The following GRIN2D variants were observed in gnomAD, a reference collection of about 807,000 sequenced individuals.
GRIN2D encodes glutamate ionotropic receptor NMDA type subunit 2D.
A neutral mutation model predicts 103.2 loss-of-function variants in GRIN2D; 37 were observed. That is an observed-to-expected ratio of 0.36 (90% confidence interval 0.28 to 0.47). The LOEUF (loss-of-function observed/expected upper bound fraction) is 0.47, where lower values mean the gene tolerates loss of function less well. Among genes scored for constraint, GRIN2D ranks in the 20% least tolerant of loss-of-function variants. The pLI is 1.00. For synonymous variants in GRIN2D, 845 were observed against 885.6 expected, an observed-to-expected ratio of 0.95 and a Z score of 0.81; for missense variants, 1,557 against 1,910.6, an observed-to-expected ratio of 0.81 and a Z score of 3.45.
chr19:48,435,549 A>G (rs1348455263), intron 11 of GRIN2D, among the ~76,000 whole-genome samples: 1 of 152,092 alleles, frequency 6.6e-6, no homozygotes, highest in African/African-American at 2.4e-5. Context: ...GGTTCAAGCA[A>G]TTCTCCTGCC....
At position 48,414,649 on chromosome 19, in the gene GRIN2D, G is replaced by A. The variant is rs150044973; in HGVS notation, c.1412+65G>A. 4.1e-6 allele frequency: 6 copies of A among 1,457,388 alleles called. No individual in the cohort carries two copies. Among genetic ancestry groups the A allele is most frequent in the Non-Finnish European group, 5.6e-6 (6 of 1,067,316 alleles). 90.3% of individuals were successfully genotyped at this position (1,457,388 alleles called of 1,614,324 possible). ...GCCTCCCGTGAAGCCCAGTAGTCTG[G>A]GCCCCCAGCCCCCTCCTCCCTTGGG... On this transcript the variant is annotated intron_variant, in intron 6 of 13. Coordinates refer to ENST00000263269, the MANE Select transcript of GRIN2D (RefSeq NM_000836.4). The surrounding 1 kb of genome is among the most constrained non-coding windows in gnomAD (Gnocchi z 4.6).
At chr19:48,428,455 G>A (rs1327139527) in intron 11 of GRIN2D, among the ~76,000 whole-genome samples, 2 of 151,352 alleles carry the variant, frequency 1.3e-5, no homozygotes, top group Non-Finnish European at 2.9e-5. Flanking sequence ...CCACCTCCCG[G>A]GTTCCAGTGA....
Position 48,442,527 on chromosome 19 carries a change from G to A in GRIN2D, c.2674-73G>A. 1.4e-6 allele frequency: 2 copies of A among 1,480,932 alleles called. No homozygotes were observed. Among genetic ancestry groups the A allele is most frequent in the Non-Finnish European group, 1.8e-6 (2 of 1,119,216 alleles). The allele number at this position is 1,480,932 out of a possible 1,614,324, so 91.7% of individuals were successfully genotyped here. ...CACAGGCGGGTAAATGGAGAGGAGA[G>A]AGGGACTGAGGGGAGGCGGGCAGGC... On this transcript the variant is annotated intron_variant, in intron 13 of 13. Coordinates refer to ENST00000263269, the MANE Select transcript of GRIN2D (RefSeq NM_000836.4). The surrounding 1 kb of genome is among the most constrained non-coding windows in gnomAD (Gnocchi z 7.2).
At position 48,416,116 on chromosome 19, in the gene GRIN2D, G is replaced by A. The variant is rs1266522293; in HGVS notation, c.1696G>A (p.Ala566Thr). The A allele has an allele frequency of 1.9e-6, 3 of 1,614,016 alleles. No homozygotes were observed. Among genetic ancestry groups the A allele is most frequent in the South Asian group, 1.1e-5 (1 of 91,078 alleles). The change falls in exon 8 of 14, where the codon GCG becomes ACG. Residue 566 changes from alanine to threonine, a missense_variant. Coordinates refer to ENST00000263269, the MANE Select transcript of GRIN2D (RefSeq NM_000836.4). ...FVETGISVMV[A>T]RSNGTVSPSA... ...GGAGACCGGCATCAGCGTCATGGTG[G>A]CGCGCAGCAATGGCACGGTGTCCCC...
At position 48,393,759 on chromosome 19, in the gene GRIN2D, T is replaced by TCGCCCGCAGC. The variant is rs1970593281; in HGVS notation, c.-413_-404dup. Among the ~76,000 whole-genome samples, 1 of 151,998 alleles carries TCGCCCGCAGC rather than the reference T, an allele frequency of 6.6e-6. No homozygotes were observed. Among genetic ancestry groups the TCGCCCGCAGC allele is most frequent in the Admixed American group, 6.6e-5 (1 of 15,264 alleles). ...CAAGCCGCGGCCGCCGCCGCCACCC[T>TCGCCCGCAGC]CGCCCGCAGCCTCCCGCAGCCTCCC... On this transcript the variant is annotated 5_prime_UTR_variant, in exon 1 of 14. Transcript: ENST00000263269. The surrounding 1 kb of genome is among the most constrained non-coding windows in gnomAD (Gnocchi z 5.6).
chr19:48,416,745 C>CTCTT (rs369470722), intron 8 of GRIN2D, among the ~76,000 whole-genome samples: 14 of 141,196 alleles, frequency 9.9e-5, no homozygotes, highest in Admixed American at 2.9e-4. Context: ...CTCTCTCTCT[C>CTCTT]TTTTTTTTTT....
chr19:48,416,123 G>A lies in GRIN2D; in HGVS notation c.1703G>A (p.Ser568Asn), dbSNP rs1159393327. 1.9e-6 allele frequency: 3 copies of A among 1,613,872 alleles called. No individual in the cohort carries two copies. Among genetic ancestry groups the A allele is most frequent in the African/African-American group, 2.7e-5 (2 of 74,910 alleles). ...GGCATCAGCGTCATGGTGGCGCGCAGCAATGGCACGGTGTCCCCCTCGGCC... is the reference window on the plus strand; with the variant it reads ...GGCATCAGCGTCATGGTGGCGCGCAACAATGGCACGGTGTCCCCCTCGGCC... Reference protein sequence around the residue: ...ETGISVMVARSNGTVSPSAFL... With the variant: ...ETGISVMVARNNGTVSPSAFL... The change falls in exon 8 of 14, where the codon AGC (serine) becomes AAC (asparagine). Residue 568 changes from serine (S) to asparagine (N), a missense_variant. Physicochemically the swap from Ser to Asn is conservative, Grantham distance 46. Coordinates refer to ENST00000263269, the MANE Select transcript of GRIN2D (RefSeq NM_000836.4).
In GRIN2D at chr19:48,415,999, C is replaced by T; in HGVS notation, c.1582-3C>T. On this transcript the variant is annotated splice_polypyrimidine_tract_variant and splice_region_variant and intron_variant, in intron 7 of 13. Coordinates refer to ENST00000263269, the MANE Select transcript of GRIN2D (RefSeq NM_000836.4). The stretch of plus-strand genomic sequence containing the variant: ...CGCCCACTCCTCATCGCCCCCACCC[C>T]AGGTGTTCTACCAGCGCGCAGACAT... 3 of 1,613,108 alleles carry T rather than the reference C, an allele frequency of 1.9e-6. No homozygotes were observed. The highest frequency in any genetic ancestry group is 1.7e-6 in the Non-Finnish European group (2 of 1,179,616).
In GRIN2D at chr19:48,443,889, C is replaced by T; in HGVS notation, c.3963C>T (p.Gly1321=). The stretch of plus-strand genomic sequence containing the variant: ...GGAGACACCGGGGCGGGGACCTGGG[C>T]ACCCGCAGGGGCTCGGCGCACTTCT... ...SHRRHRGGDL[G]TRRGSAHFSS... The change falls in exon 14 of 14, where the codon GGC becomes GGT. Residue 1321 remains glycine (G), a synonymous_variant. Transcript: ENST00000263269. This position sits in a 1 kb window ranked among gnomAD's most constrained non-coding sequence, Gnocchi z 8.9. 1.4e-6 allele frequency: 2 copies of T among 1,466,744 alleles called. No homozygotes were observed. The highest frequency in any genetic ancestry group is 9.0e-7 in the Non-Finnish European group (1 of 1,115,424). The allele number at this position is 1,466,744 out of a possible 1,614,324, so 90.9% of individuals were successfully genotyped here. A position where few individuals can be genotyped will look rare whatever the true frequency, so the allele number is the denominator to read the frequency against.
chr19:48,414,166 A>T lies in GRIN2D; in HGVS notation c.1200+61A>T. On this transcript the variant is annotated intron_variant, in intron 5 of 13. Coordinates refer to ENST00000263269, the MANE Select transcript of GRIN2D (RefSeq NM_000836.4). This position sits in a 1 kb window ranked among gnomAD's most constrained non-coding sequence, Gnocchi z 4.6. ...GGTGTGGACTCCTGCATCCTGGCAGAGGGGGGGCTTGAGGTCGTGGACTAA... is the reference window on the plus strand; with the variant it reads ...GGTGTGGACTCCTGCATCCTGGCAGTGGGGGGGCTTGAGGTCGTGGACTAA... 1 of 1,089,278 alleles carries T rather than the reference A, an allele frequency of 9.2e-7. No homozygotes were observed. The allele number at this position is 1,089,278 out of a possible 1,614,324, so 67.5% of individuals were successfully genotyped here. A position where few individuals can be genotyped will look rare whatever the true frequency, so the allele number is the denominator to read the frequency against.
Position 48,443,468 on chromosome 19 carries a change from G to C in GRIN2D, c.3542G>C (p.Arg1181Pro), listed in dbSNP as rs1316071837. ...PRSGPAAWHC[R>P]HCASLELLPP... ...AGCGGTCCGGCCGCCTGGCACTGTC[G>C]GCACTGCGCCAGCCTGGAGCTGCTG... is the stretch of plus-strand genomic sequence containing the variant. Residue 1181 changes from arginine (R) to proline (P), a missense_variant, in exon 14 of 14, where the codon CGG (arginine) becomes CCG (proline). By Grantham distance (103) the Arg-to-Pro change is moderately radical. Transcript: ENST00000263269. The surrounding 1 kb of genome is among the most constrained non-coding windows in gnomAD (Gnocchi z 8.9). The C allele has an allele frequency of 5.8e-6, 8 of 1,382,196 alleles. No homozygotes were observed. The highest frequency in any genetic ancestry group is 3.0e-5 in the African/African-American group (2 of 65,662). The allele number at this position is 1,382,196 out of a possible 1,614,324, so 85.6% of individuals were successfully genotyped here.
chr19:48,409,452 A>G (rs1970829422), intron 4 of GRIN2D, among the ~76,000 whole-genome samples: 1 of 151,288 alleles, frequency 6.6e-6, no homozygotes, highest in South Asian at 2.1e-4. Flanking sequence ...TAATTTTTGT[A>G]TTTTTGTAGA....
At chr19:48,441,538 C>T (rs924838616) in intron 11 of GRIN2D, among the ~76,000 whole-genome samples, 1 of 152,186 alleles carries the variant, frequency 6.6e-6, no homozygotes, top group Admixed American at 6.5e-5. Context: ...CATAGCAAGA[C>T]CCTGTCTCTT....
At chr19:48,401,690 G>T (rs1759421703) in intron 3 of GRIN2D, among the ~76,000 whole-genome samples, 1 of 152,252 alleles carries the variant, frequency 6.6e-6, no homozygotes, top group Non-Finnish European at 1.5e-5. Context: ...CTTTGGCTTT[G>T]ATTCTGAGGT....
intron 10 of GRIN2D, 109 bp downstream of exon 10, chr19:48,419,923 G>T (rs1970999259): frequency 8.7e-6 from 2 of 228,854 alleles, no homozygotes; most frequent in Admixed American, 1.1e-4. Flanking sequence ...GGGTGAGAGG[G>T]GTGGGGGGAG....
At position 48,443,496 on chromosome 19, in the gene GRIN2D, G is replaced by T; in HGVS notation, c.3570G>T (p.Pro1190=). 1 of 1,358,062 alleles carries T rather than the reference G, an allele frequency of 7.4e-7. No homozygotes were observed. The highest frequency in any genetic ancestry group is 9.5e-7 in the Non-Finnish European group (1 of 1,055,782). The allele number at this position is 1,358,062 out of a possible 1,614,324, so 84.1% of individuals were successfully genotyped here. A position where few individuals can be genotyped will look rare whatever the true frequency, so the allele number is the denominator to read the frequency against. ...ACTGCGCCAGCCTGGAGCTGCTGCC[G>T]CCGCCGCGCCATCTCAGCTGCTCGC... is the stretch of plus-strand genomic sequence containing the variant. ...CRHCASLELL[P]PPRHLSCSHD... is the part of the protein sequence containing the mutation. The change falls in exon 14 of 14, where the codon CCG becomes CCT. Residue 1190 remains proline, a synonymous_variant. Coordinates refer to ENST00000263269, the MANE Select transcript of GRIN2D (RefSeq NM_000836.4). This position sits in a 1 kb window ranked among gnomAD's most constrained non-coding sequence, Gnocchi z 8.9.
rs1970786491 is a variant in GRIN2D at position 48,405,881 on chromosome 19, G to A, written c.1085+528G>A. On this transcript the variant is annotated intron_variant, in intron 4 of 13. Transcript: ENST00000263269. This position sits in a 1 kb window ranked among gnomAD's most constrained non-coding sequence, Gnocchi z 5.1. The stretch of plus-strand genomic sequence containing the variant: ...CAGGATTCTCCCACACTGTTACTCT[G>A]GCATCTCTGCATGGTCGAAGTGGGT... Among the ~76,000 whole-genome samples, 1 of 152,122 alleles carries A rather than the reference G, an allele frequency of 6.6e-6. No homozygotes were observed. Among genetic ancestry groups the A allele is most frequent in the South Asian group, 2.1e-4 (1 of 4,822 alleles).
chr19:48,415,106 C>T, intron 7 of GRIN2D, 74 bp downstream of exon 7: 1 of 1,355,126 alleles, frequency 7.4e-7, no homozygotes, highest in Non-Finnish European at 1.0e-6. Context: ...CGTGGTGGCT[C>T]ACGCCTGTAA....
chr19:48,422,078 A>G, intron 11 of GRIN2D, 133 bp downstream of exon 11: 1 of 775,224 alleles, frequency 1.3e-6, no homozygotes, highest in Non-Finnish European at 2.1e-6. Flanking sequence ...TGGAGGGCGG[A>G]GGTCACTGAG....
Sources: allele counts gnomAD v4.1 joint callset (sites outside exome capture counted in the v4.1 genomes callset), GRCh38; gene constraint gnomAD v4.1.1; non-coding constraint Gnocchi (gnomAD v3.1); transcripts MANE v1.5; gene names NCBI Gene and HGNC (gene_info 2026-07-23, HGNC 2026-07-21).